The following METTL16 variants were observed in gnomAD, a reference collection of about 807,000 sequenced individuals.
METTL16 encodes RNA N(6)-adenosine-methyltransferase METTL16.
Under a neutral mutation model 57.9 loss-of-function variants are expected in METTL16, and 19 were observed. The observed-to-expected ratio is 0.33, with a 90% CI of 0.23 to 0.48. The LOEUF is 0.48. METTL16 is among the 20% of genes least tolerant of loss of function. The probability of loss-of-function intolerance (pLI) is 0.99; values close to 1 mark genes in which losing one functional copy is unlikely to be tolerated. For synonymous variants in METTL16, 246 were observed against 255.6 expected, an observed-to-expected ratio of 0.96 and a Z score of 0.36; for missense variants, 434 against 691.5, an observed-to-expected ratio of 0.63 and a Z score of 4.18.
chr17:2,481,665 A>G (rs958607499), intron 2 of METTL16, among the ~76,000 whole-genome samples: 1 of 152,206 alleles, frequency 6.6e-6, no homozygotes, highest in Non-Finnish European at 1.5e-5. Flanking sequence ...AACATAAGAG[A>G]GGTTAATAAT....
chr17:2,492,242 T>C (rs2067403450), intron 2 of METTL16, among the ~76,000 whole-genome samples: 1 of 151,836 alleles, frequency 6.6e-6, no homozygotes, highest in South Asian at 2.1e-4. Context: ...TAAAAACAAA[T>C]CGGTTAAGTG....
intron 6 of METTL16, among the ~76,000 whole-genome samples, chr17:2,451,417 G>A (rs1001735381): frequency 4.6e-5 from 7 of 152,126 alleles, no homozygotes; most frequent in Non-Finnish European, 7.4e-5. Flanking sequence ...TCAGGAGTTC[G>A]GGACCAGCCT....
intron 2 of METTL16, among the ~76,000 whole-genome samples, chr17:2,497,939 A>T (rs964865620): frequency 6.6e-6 from 1 of 151,796 alleles, no homozygotes; most frequent in Non-Finnish European, 1.5e-5. Context: ...TCACGCCTGT[A>T]ATCCCAGCAC....
intron 7 of METTL16, among the ~76,000 whole-genome samples, chr17:2,440,308 G>T (rs2066939076): frequency 6.6e-6 from 1 of 151,930 alleles, no homozygotes; most frequent in Non-Finnish European, 1.5e-5. Context: ...GAGTGCAGTG[G>T]CACGATCTCA....
At chr17:2,502,397 G>A in intron 1 of METTL16, 66 bp from the exon 2 acceptor site, 2 of 1,520,072 alleles carry the variant, frequency 1.3e-6, no homozygotes, top group East Asian at 2.3e-5. Context: ...GGGGCCGGGT[G>A]CGGTGCCTCA....
At chr17:2,447,117 G>A (rs375244540) in intron 6 of METTL16, among the ~76,000 whole-genome samples, 23,813 of 113,122 alleles carry the variant, frequency 0.21, 4,398 homozygotes, top group African/African-American at 0.58. Context: ...CCCGGCCGCC[G>A]TCCCATCTAG....
In METTL16 at chr17:2,438,967, G is replaced by A. The variant is rs904026925; in HGVS notation, c.799-769C>T. Among the ~76,000 whole-genome samples, 15 of 152,290 alleles carry A rather than the reference G, an allele frequency of 9.8e-5. No homozygotes were observed. In the East Asian group the frequency reaches 2.7e-3, roughly 27 times the overall value. Reference sequence around the variant, plus strand: ...GTGAGGAAAAGAGGAGGAATAGGACGTCAGAGAGAAACCAGAGACCAGAAA... The same window carrying A: ...GTGAGGAAAAGAGGAGGAATAGGACATCAGAGAGAAACCAGAGACCAGAAA... On this transcript the variant is annotated intron_variant, in intron 7 of 9. Transcript: ENST00000263092.
At chr17:2,497,449 A>C (rs1029730900) in intron 2 of METTL16, among the ~76,000 whole-genome samples, 3 of 150,256 alleles carry the variant, frequency 2.0e-5, no homozygotes, top group African/African-American at 7.5e-5. Flanking sequence ...AGTAGCTGAG[A>C]TTACAGGCAT....
At chr17:2,423,115 G>T (rs368525692) in intron 8 of METTL16, among the ~76,000 whole-genome samples, 1 of 152,140 alleles carries the variant, frequency 6.6e-6, no homozygotes, top group Non-Finnish European at 1.5e-5. Context: ...CAGCGCACAC[G>T]CACACATGCA....
chr17:2,451,809 T>C lies in METTL16; in HGVS notation c.729-10250A>G, dbSNP rs575080589. On this transcript the variant is annotated intron_variant, in intron 6 of 9. Coordinates refer to ENST00000263092, the MANE Select transcript of METTL16 (RefSeq NM_024086.4). Reference sequence around the variant, plus strand: ...AACTAGCATTCCTCAACAGATTAGATAGATCAGAGCTATCAGAAGCCAAGA... The same window carrying C: ...AACTAGCATTCCTCAACAGATTAGACAGATCAGAGCTATCAGAAGCCAAGA... 7.2e-5 allele frequency among the ~76,000 whole-genome samples: 11 copies of C among 152,042 alleles called. No individual in the cohort carries two copies. The South Asian group carries it at 2.1e-3, about 29-fold the overall frequency.
chr17:2,496,943 G>T (rs2067449972), intron 2 of METTL16, among the ~76,000 whole-genome samples: 2 of 151,648 alleles, frequency 1.3e-5, no homozygotes, highest in Admixed American at 6.6e-5. Context: ...ATAAATTTCT[G>T]TTCTTCATAA....
At chr17:2,478,298 T>A (rs1055418245) in intron 2 of METTL16, among the ~76,000 whole-genome samples, 1 of 152,230 alleles carries the variant, frequency 6.6e-6, no homozygotes, top group African/African-American at 2.4e-5. Flanking sequence ...TGGTGCATAA[T>A]AACTATTTTA....
rs71362532 is a variant in METTL16, at chr17:2,428,564, A to AAT, written c.889-7662_889-7661dup. Among the ~76,000 whole-genome samples the AAT allele has an allele frequency of 9.7e-3, 304 of 31,286 alleles. 2 individuals carry two copies. The highest frequency in any genetic ancestry group is 0.013 in the Non-Finnish European group (258 of 19,994). 20.5% of individuals were successfully genotyped at this position (31,286 alleles called of 152,430 possible). A position where few individuals can be genotyped will look rare whatever the true frequency, so the allele number is the denominator to read the frequency against. On this transcript the variant is annotated intron_variant, in intron 8 of 9. Transcript: ENST00000263092. ...AAAAAAAAAAAAAAAAAAAAAAAAAAATATATATATATATATATATATATA... is the reference window on the plus strand; with the variant it reads ...AAAAAAAAAAAAAAAAAAAAAAAAAAATATATATATATATATATATATATATA...
In METTL16 at chr17:2,422,449, C is replaced by T. The variant is rs573362171; in HGVS notation, c.889-1545G>A. ...TCACTGGAGTGCAATGGCGCCATCT[C>T]GGCTCACTGCAACCTCCACCTCCGG... On this transcript the variant is annotated intron_variant, in intron 8 of 9. Coordinates refer to ENST00000263092, the MANE Select transcript of METTL16 (RefSeq NM_024086.4). Among the ~76,000 whole-genome samples, 6 of 151,998 alleles carry T rather than the reference C, an allele frequency of 3.9e-5. No homozygotes were observed. The South Asian group carries it at 6.3e-4, about 16-fold the overall frequency.
chr17:2,462,352 T>C (rs1031667421), intron 6 of METTL16, among the ~76,000 whole-genome samples: 15 of 152,122 alleles, frequency 9.9e-5, no homozygotes, highest in African/African-American at 3.6e-4. Flanking sequence ...ATTTAACGAG[T>C]ACAGAGTTAC....
rs1412546659 is a variant in METTL16 at position 2,420,640 on chromosome 17, CCT to C, written c.1063-46_1063-45del. ...GAATTTTGTGGGAAATCACGTTTCC[CCT>C]CTCTCCAAACTCTCAATAAAAAAAA... On this transcript the variant is annotated intron_variant, in intron 9 of 9. Transcript: ENST00000263092. This position sits in a 1 kb window ranked among gnomAD's most constrained non-coding sequence, Gnocchi z 5.4. The C allele has an allele frequency of 6.4e-7, 1 of 1,571,024 alleles. No homozygotes were observed. The highest frequency in any genetic ancestry group is 8.6e-7 in the Non-Finnish European group (1 of 1,165,030).
At chr17:2,489,090 A>C (rs1159386094) in intron 2 of METTL16, among the ~76,000 whole-genome samples, 2 of 150,290 alleles carry the variant, frequency 1.3e-5, no homozygotes, top group Admixed American at 1.4e-4. Flanking sequence ...TACCTCGATC[A>C]ATCAAGCTAA....
chr17:2,430,592 A>AT (rs10718224), intron 8 of METTL16, among the ~76,000 whole-genome samples: 5 of 150,744 alleles, frequency 3.3e-5, no homozygotes, highest in African/African-American at 1.2e-4. Context: ...ATTTTTTTGT[A>AT]TTTTTTTAGT....
At chr17:2,460,520 C>T (rs532468192) in intron 6 of METTL16, among the ~76,000 whole-genome samples, 2 of 152,232 alleles carry the variant, frequency 1.3e-5, no homozygotes, top group East Asian at 1.9e-4. Flanking sequence ...TAAAAACAAC[C>T]CCATTATTAT....
Sources: allele counts gnomAD v4.1 joint callset (sites outside exome capture counted in the v4.1 genomes callset), GRCh38; gene constraint gnomAD v4.1.1; non-coding constraint Gnocchi (gnomAD v3.1); transcripts MANE v1.5; gene names NCBI Gene and HGNC (gene_info 2026-07-23, HGNC 2026-07-21).